TENM4: variants seen among roughly 807,000 people sequenced by gnomAD.
TENM4 encodes teneurin-4.
In TENM4, 82 loss-of-function variants were observed where a neutral mutation model predicts 243.3. The ratio of observed to expected loss-of-function variants is 0.34; its 90% confidence interval spans 0.28 to 0.40. TENM4 has a LOEUF of 0.40. Ranked by LOEUF, TENM4 falls within the 10% of genes least tolerant of loss-of-function variation. The pLI is 1.00. For missense variants in TENM4, 3,138 were observed against 3,673.3 expected (o/e 0.85, Z 3.77); for synonymous variants, 1,412 against 1,456.3 (o/e 0.97, Z 0.69).
chr11:78,732,305 A>G lies in TENM4; in HGVS notation c.3138+11T>C. The G allele has an allele frequency of 6.3e-7, 1 of 1,585,654 alleles. No individual in the cohort carries two copies. The highest frequency in any genetic ancestry group is 8.6e-7 in the Non-Finnish European group (1 of 1,162,690). On this transcript the variant is annotated intron_variant, in intron 21 of 33. Transcript: ENST00000278550. Reference sequence around the variant, plus strand: ...AAAGCATGGTGGAATGCAATTAGGAAAGCTGGGTACCTGAATTTCCGGCAC... The same window carrying G: ...AAAGCATGGTGGAATGCAATTAGGAGAGCTGGGTACCTGAATTTCCGGCAC...
intron 3 of TENM4, among the ~76,000 whole-genome samples, chr11:79,175,942 G>A (rs950337147): frequency 4.6e-5 from 7 of 151,996 alleles, no homozygotes; most frequent in Non-Finnish European, 1.0e-4. Flanking sequence ...AAAATTTGCT[G>A]GGTGGCACTA....
intron 2 of TENM4, among the ~76,000 whole-genome samples, chr11:79,279,655 T>C (rs1391653842): frequency 2.6e-5 from 4 of 152,154 alleles, no homozygotes; most frequent in African/African-American, 9.7e-5. Flanking sequence ...CTACTCTTTA[T>C]TCCTGTTCCA....
At chr11:79,091,109 C>T (rs762297863) in intron 4 of TENM4, among the ~76,000 whole-genome samples, 22 of 152,120 alleles carry the variant, frequency 1.4e-4, no homozygotes, top group African/African-American at 4.6e-4. Flanking sequence ...CCAGCCTAGG[C>T]GCTTACTTAT....
At chr11:79,023,572 A>T (rs1383075751) in intron 6 of TENM4, among the ~76,000 whole-genome samples, 2 of 151,934 alleles carry the variant, frequency 1.3e-5, no homozygotes. Flanking sequence ...AAAAAAAAAA[A>T]AAAAATCATG....
At chr11:79,437,469 T>G (rs909363788) in intron 1 of TENM4, among the ~76,000 whole-genome samples, 1 of 152,054 alleles carries the variant, frequency 6.6e-6, no homozygotes, top group Non-Finnish European at 1.5e-5. Flanking sequence ...GGCTGGAACT[T>G]GGCCTGGAAC....
intron 10 of TENM4, 141 bp downstream of exon 10, chr11:78,862,821 G>C (rs1384189685): frequency 1.1e-6 from 1 of 878,664 alleles, no homozygotes; most frequent in African/African-American, 1.7e-5. Context: ...CTTGACAGCT[G>C]GCGTGGAGTG....
At chr11:78,971,057 G>T (rs752737680) in intron 6 of TENM4, among the ~76,000 whole-genome samples, 10 of 151,870 alleles carry the variant, frequency 6.6e-5, no homozygotes, top group Non-Finnish European at 1.5e-4. Context: ...GTGTTGCCCA[G>T]GCTAGAATGT....
At chr11:79,416,076 C>G (rs1858806575) in intron 1 of TENM4, among the ~76,000 whole-genome samples, 1 of 152,076 alleles carries the variant, frequency 6.6e-6, no homozygotes, top group Non-Finnish European at 1.5e-5. Flanking sequence ...GAATTTATTC[C>G]TTTTTCACTG....
At chr11:78,827,549 G>A (rs1248323798) in intron 12 of TENM4, among the ~76,000 whole-genome samples, 2 of 151,662 alleles carry the variant, frequency 1.3e-5, no homozygotes, top group Non-Finnish European at 2.9e-5. Context: ...GAATGCAATC[G>A]TGCAATCTTG....
intron 3 of TENM4, chr11:79,193,304 G>A (rs1228072601): frequency 6.6e-6 from 1 of 152,192 alleles, no homozygotes; most frequent in African/African-American, 2.4e-5. Context: ...AGGGCAGCCG[G>A]AACTCAGGTG....
chr11:78,685,350 G>A (rs1261299678), intron 29 of TENM4, among the ~76,000 whole-genome samples: 1 of 152,168 alleles, frequency 6.6e-6, no homozygotes, highest in Non-Finnish European at 1.5e-5. Flanking sequence ...AACCGAAAGA[G>A]CTTTTCACAG....
At chr11:78,756,355 G>T (rs1590997709) in intron 19 of TENM4, 1 of 187,998 alleles carries the variant, frequency 5.3e-6, no homozygotes, top group East Asian at 1.5e-4. Context: ...TGACACAACT[G>T]AAAACAGGGA....
chr11:78,772,778 C>T (rs1970745), intron 17 of TENM4, among the ~76,000 whole-genome samples: 20,850 of 152,220 alleles, frequency 0.14, 1,622 homozygotes, highest in East Asian at 0.39. Flanking sequence ...AATTTGGCCA[C>T]TGTGTTTTCC....
rs150946054 is a variant in TENM4 at position 79,040,473 on chromosome 11, A to G, written c.493+24265T>C. On this transcript the variant is annotated intron_variant, in intron 6 of 33. Transcript: ENST00000278550. ...GCAACCTGAGTCACACTCTGGATTC[A>G]GTCCCAGTCTGCTTGGCTGAAGTCT... 5.3e-5 allele frequency among the ~76,000 whole-genome samples: 8 copies of G among 152,314 alleles called. No individual in the cohort carries two copies. The East Asian group carries it at 1.5e-3, about 29-fold the overall frequency.
chr11:79,164,995 GTA>G (rs1862881472), intron 3 of TENM4, among the ~76,000 whole-genome samples: 1 of 142,378 alleles, frequency 7.0e-6, no homozygotes, highest in Non-Finnish European at 1.5e-5. Flanking sequence ...GTGTGTGTGT[GTA>G]TACATATATA....
chr11:79,142,154 T>G (rs530191827), intron 4 of TENM4, among the ~76,000 whole-genome samples: 2 of 152,018 alleles, frequency 1.3e-5, no homozygotes, highest in East Asian at 3.9e-4. Context: ...GAGAAAGAAA[T>G]AAAGGGCATC....
intron 7 of TENM4, among the ~76,000 whole-genome samples, chr11:78,891,836 C>T (rs1855673889): frequency 1.3e-5 from 2 of 152,106 alleles, no homozygotes; most frequent in Admixed American, 6.5e-5. Context: ...TAAACAGTGG[C>T]TAGAGACACT....
chr11:79,307,594 TAGA>T (rs1392078888), intron 1 of TENM4, among the ~76,000 whole-genome samples: 1 of 152,184 alleles, frequency 6.6e-6, no homozygotes, highest in South Asian at 2.1e-4. Context: ...CTCGTCCTCA[TAGA>T]AGATGTGACC....
At chr11:79,080,749 C>A (rs566089085) in intron 4 of TENM4, among the ~76,000 whole-genome samples, 5 of 152,352 alleles carry the variant, frequency 3.3e-5, no homozygotes, top group South Asian at 2.1e-4. Flanking sequence ...CTCTTCTGTA[C>A]TTCAGGCCCC....
Sources: gnomAD v4.1 joint callset for allele counts (sites outside exome capture counted in the v4.1 genomes callset) on GRCh38, gnomAD v4.1.1 for gene constraint, MANE v1.5 for transcripts, NCBI Gene and HGNC (gene_info 2026-07-23, HGNC 2026-07-21) for gene names.